The following DNAJA1 variants were observed in gnomAD, a reference collection of about 807,000 sequenced individuals.
The protein encoded by DNAJA1 is DnaJ heat shock protein family (Hsp40) member A1, also known as dnaJ homolog subfamily A member 1.
DNAJA1 carries 26 observed loss-of-function variants against 47.6 expected under a neutral mutation model. The ratio of observed to expected loss-of-function variants is 0.55; its 90% CI spans 0.40 to 0.76. The LOEUF (loss-of-function observed/expected upper bound fraction) is 0.76, where lower values mean the gene tolerates loss of function less well. Among genes scored for constraint, DNAJA1 ranks in the 30% least tolerant of loss-of-function variants. The probability of loss-of-function intolerance (pLI) is 0.00; values close to 1 mark genes in which losing one functional copy is unlikely to be tolerated. For missense variants in DNAJA1, 315 were observed against 485.0 expected (o/e 0.65, Z 3.29); for synonymous variants, 165 against 158.4 (o/e 1.04, Z -0.31).
intron 1 of DNAJA1, among the ~76,000 whole-genome samples, chr9:33,026,134 C>T (rs1212491320): frequency 6.6e-6 from 1 of 152,208 alleles, no homozygotes; most frequent in Non-Finnish European, 1.5e-5. Context: ...GTAGACTGAA[C>T]ATATCAGTGC....
Position 33,038,765 on chromosome 9 carries a change from G to T in DNAJA1, c.1056G>T (p.Val352=), listed in dbSNP as rs1039624400. 1.2e-6 allele frequency: 2 copies of T among 1,614,124 alleles called. No homozygotes were observed. The highest frequency in any genetic ancestry group is 1.7e-6 in the Non-Finnish European group (2 of 1,180,020). ...AACTCCTACCCGAGAGGAAGGAAGT[G>T]GAAGAGACTGATGAGATGGACCAAG... ...LEKLLPERKE[V]EETDEMDQVE... The change falls in exon 9 of 9, where the codon GTG becomes GTT. Residue 352 remains valine (V), a synonymous_variant. Transcript: ENST00000330899.
chr9:33,034,666 A>G (rs1032008215), intron 6 of DNAJA1, among the ~76,000 whole-genome samples: 2 of 152,214 alleles, frequency 1.3e-5, no homozygotes, highest in African/African-American at 2.4e-5. Flanking sequence ...CCAGTTTTCA[A>G]TCTCATTTAT....
rs997410831 is a variant in DNAJA1 at position 33,037,183 on chromosome 9, A to G, written c.975+68A>G. 31 of 1,437,950 alleles carry G rather than the reference A, an allele frequency of 2.2e-5. No homozygotes were observed. In the Admixed American group the frequency reaches 4.6e-4, roughly 21 times the overall value. 89.1% of individuals were successfully genotyped at this position (1,437,950 alleles called of 1,614,324 possible). Reference sequence around the variant, plus strand: ...TTACTAAAATCTGATAAAAAAGTAAAATTTCAGCCAGGTGCAAGTAGCTCA... The same window carrying G: ...TTACTAAAATCTGATAAAAAAGTAAGATTTCAGCCAGGTGCAAGTAGCTCA... On this transcript the variant is annotated intron_variant, in intron 8 of 8. Transcript: ENST00000330899.
chr9:33,026,293 T>C (rs1203690728), intron 1 of DNAJA1, among the ~76,000 whole-genome samples, 182 bp from the exon 2 acceptor site: 1 of 152,214 alleles, frequency 6.6e-6, no homozygotes, highest in Non-Finnish European at 1.5e-5. Flanking sequence ...ATAATGATTA[T>C]TTGTTTTGTC....
At chr9:33,034,361 T>C in intron 6 of DNAJA1, 31 bp downstream of exon 6, 3 of 1,546,612 alleles carry the variant, frequency 1.9e-6, no homozygotes, top group Non-Finnish European at 2.7e-6. Context: ...CTCAAATTGA[T>C]ATCACATATT....
chr9:33,026,759 C>G, intron 2 of DNAJA1, 54 bp from the exon 3 acceptor site: 1 of 1,595,750 alleles, frequency 6.3e-7, no homozygotes, highest in Non-Finnish European at 8.5e-7. Context: ...TGTAATGTAG[C>G]TAGGTAACAC....
At chr9:33,026,704 TATA>T in intron 2 of DNAJA1, 88 bp downstream of exon 2, 1 of 1,562,228 alleles carries the variant, frequency 6.4e-7, no homozygotes. Flanking sequence ...GAGTATCTAA[TATA>T]GTAACTATGA....
chr9:33,032,300 C>T (rs1296038117), intron 5 of DNAJA1, among the ~76,000 whole-genome samples: 1 of 152,212 alleles, frequency 6.6e-6, no homozygotes, highest in African/African-American at 2.4e-5. Flanking sequence ...AGTTGTTGAA[C>T]TTAATAAATC....
chr9:33,039,154 C>G lies in DNAJA1; in HGVS notation c.*251C>G. On this transcript the variant is annotated 3_prime_UTR_variant, in exon 9 of 9. Coordinates refer to ENST00000330899, the MANE Select transcript of DNAJA1 (RefSeq NM_001539.4). Reference sequence around the variant, plus strand: ...CTACAAAGAAGTTCCCCTAGCATTTCTAGGCCAAACCTTGTAATTGACTTC... The same window carrying G: ...CTACAAAGAAGTTCCCCTAGCATTTGTAGGCCAAACCTTGTAATTGACTTC... 1 of 468,686 alleles carries G rather than the reference C, an allele frequency of 2.1e-6. No individual in the cohort carries two copies. The highest frequency in any genetic ancestry group is 3.9e-6 in the Non-Finnish European group (1 of 258,850). The allele number at this position is 468,686 out of a possible 1,614,324, so 29.0% of individuals were successfully genotyped here.
intron 1 of DNAJA1, among the ~76,000 whole-genome samples, chr9:33,025,585 C>A (rs982084803): frequency 6.6e-6 from 1 of 152,132 alleles, no homozygotes; most frequent in Non-Finnish European, 1.5e-5. Context: ...GGCCCGAGAC[C>A]TTTCCTAGAC....
chr9:33,028,739 C>T (rs759507431), intron 3 of DNAJA1, among the ~76,000 whole-genome samples: 4 of 152,148 alleles, frequency 2.6e-5, no homozygotes, highest in African/African-American at 7.2e-5. Context: ...TGGGGAAATG[C>T]GCTTCATCAA....
At chr9:33,028,025 C>CA (rs144327341) in intron 3 of DNAJA1, among the ~76,000 whole-genome samples, 4,704 of 77,588 alleles carry the variant, frequency 0.061, 250 homozygotes, top group African/African-American at 0.1. Context: ...ACTCTTGTCT[C>CA]AAAAAAAAAA....
chr9:33,034,677 G>C (rs566857760), intron 6 of DNAJA1, among the ~76,000 whole-genome samples: 77 of 152,256 alleles, frequency 5.1e-4, no homozygotes, highest in African/African-American at 1.8e-3. Flanking sequence ...TCTCATTTAT[G>C]ATAAATTGAA....
Position 33,026,944 on chromosome 9 carries a change from T to C in DNAJA1, c.264T>C (p.Phe88=). The change falls in exon 3 of 9, where the codon TTT becomes TTC. Residue 88 remains phenylalanine (F), a synonymous_variant. Transcript: ENST00000330899. ...GTTTTGGCTCCCCCATGGACATCTT[T>C]GATATGTTTTTTGGAGGAGGAGGAA... ...GGGFGSPMDI[F]DMFFGGGGRM... 1 of 1,613,976 alleles carries C rather than the reference T, an allele frequency of 6.2e-7. No homozygotes were observed. Among genetic ancestry groups the C allele is most frequent in the Middle Eastern group, 1.6e-4 (1 of 6,062 alleles).
At chr9:33,026,173 T>A (rs1170989129) in intron 1 of DNAJA1, among the ~76,000 whole-genome samples, 1 of 152,236 alleles carries the variant, frequency 6.6e-6, no homozygotes, top group Non-Finnish European at 1.5e-5. Flanking sequence ...TCACCGCCTC[T>A]AGGGCAAACG....
At position 33,029,942 on chromosome 9, in the gene DNAJA1, C is replaced by T; in HGVS notation, c.368C>T (p.Thr123Ile). The change falls in exon 4 of 9, where the codon ACA becomes ATA. Residue 123 changes from threonine (T) to isoleucine (I), a missense_variant. This residue lies in a region of DNAJA1 where 100 missense variants were observed against 163.0 expected (regional missense o/e 0.61). Coordinates refer to ENST00000330899, the MANE Select transcript of DNAJA1 (RefSeq NM_001539.4). Reference sequence around the variant, plus strand: ...CTAGAAGACTTATATAATGGTGCAACAAGAAAACTGGCTCTGCAAAAGAAT... The same window carrying T: ...CTAGAAGACTTATATAATGGTGCAATAAGAAAACTGGCTCTGCAAAAGAAT... ...VTLEDLYNGA[T>I]RKLALQKNVI... 1 of 1,613,292 alleles carries T rather than the reference C, an allele frequency of 6.2e-7. No individual in the cohort carries two copies. The highest frequency in any genetic ancestry group is 8.5e-7 in the Non-Finnish European group (1 of 1,179,800).
chr9:33,029,074 T>C (rs902345484), intron 3 of DNAJA1, among the ~76,000 whole-genome samples: 3 of 152,224 alleles, frequency 2.0e-5, no homozygotes, highest in Admixed American at 2.0e-4. Flanking sequence ...TGACCTTCCA[T>C]TTCCTATTCT....
rs768035452 is a variant in DNAJA1, at chr9:33,030,422, T to A, written c.416-18T>A. ...CACTACTAATTCATACATTATTTAA[T>A]TTTCTTTTTAAATTTAGGTAGAGGA... On this transcript the variant is annotated intron_variant, in intron 4 of 8. Coordinates refer to ENST00000330899, the MANE Select transcript of DNAJA1 (RefSeq NM_001539.4). The A allele has an allele frequency of 3.8e-6, 6 of 1,598,492 alleles. No individual in the cohort carries two copies. In the African/African-American group the frequency reaches 6.8e-5, roughly 18 times the overall value.
At chr9:33,038,502 C>A (rs1017733245) in intron 8 of DNAJA1, among the ~76,000 whole-genome samples, 183 bp from the exon 9 acceptor site, 1 of 152,118 alleles carries the variant, frequency 6.6e-6, no homozygotes, top group Non-Finnish European at 1.5e-5. Flanking sequence ...TGGTCATAAT[C>A]CTTGAACTCT....
Sources: gnomAD v4.1 joint callset for allele counts (sites outside exome capture counted in the v4.1 genomes callset) on GRCh38, gnomAD v4.1.1 for gene constraint, gnomAD v4.1.1 regional missense constraint, MANE v1.5 for transcripts, NCBI Gene and HGNC (gene_info 2026-07-23, HGNC 2026-07-21) for gene names.